TDP1: variants seen among roughly 807,000 people sequenced by gnomAD.
TDP1 encodes tyr-DNA phosphodiesterase 1.
TDP1 carries 64 observed loss-of-function variants against 81.5 expected under a neutral mutation model. The observed-to-expected ratio is 0.79, with a 90% CI of 0.64 to 0.97. The LOEUF (loss-of-function observed/expected upper bound fraction) is 0.97. TDP1 is among the 50% of genes least tolerant of loss of function. TDP1 has a pLI of 0.00. For synonymous variants in TDP1, 256 were observed against 264.3 expected (o/e 0.97, Z 0.30); for missense variants, 723 against 743.8 (o/e 0.97, Z 0.33).
At chr14:89,980,941 C>T (rs1215311388) in intron 8 of TDP1, among the ~76,000 whole-genome samples, 7 of 152,170 alleles carry the variant, frequency 4.6e-5, no homozygotes, top group African/African-American at 9.7e-5. Flanking sequence ...GCATCATATA[C>T]ACTCTACAGC....
intron 15 of TDP1, among the ~76,000 whole-genome samples, chr14:90,031,693 T>C (rs1887301632): frequency 6.6e-6 from 1 of 152,060 alleles, no homozygotes; most frequent in Non-Finnish European, 1.5e-5. Context: ...TGGCCAACTG[T>C]CCCACTCAAC....
At chr14:90,041,484 G>A (rs1033985846) in intron 16 of TDP1, among the ~76,000 whole-genome samples, 2 of 152,148 alleles carry the variant, frequency 1.3e-5, no homozygotes, top group African/African-American at 2.4e-5. Flanking sequence ...GCTGCTGTTC[G>A]TATGATGGCT....
At chr14:89,988,774 A>G in intron 10 of TDP1, 131 bp from the exon 11 acceptor site, 2 of 1,530,936 alleles carry the variant, frequency 1.3e-6, no homozygotes, top group Non-Finnish European at 8.8e-7. Context: ...TGGGTATGAA[A>G]TTGATCACTA....
At chr14:89,962,862 A>G (rs1409982796) in intron 2 of TDP1, 1 of 952,528 alleles carries the variant, frequency 1.0e-6, no homozygotes, top group East Asian at 1.2e-4. Context: ...TGACAGAGCG[A>G]GACCCTGTTT....
intron 15 of TDP1, among the ~76,000 whole-genome samples, chr14:90,026,093 A>G (rs908682492): frequency 6.6e-6 from 1 of 152,100 alleles, no homozygotes; most frequent in Non-Finnish European, 1.5e-5. Context: ...TCAAGTCTCT[A>G]CTTTCTCTTT....
At chr14:90,038,185 A>T (rs564772632) in intron 16 of TDP1, among the ~76,000 whole-genome samples, 9 of 152,248 alleles carry the variant, frequency 5.9e-5, no homozygotes, top group East Asian at 3.9e-4. Context: ...TAATTTCAAA[A>T]TTTTTTTTAA....
intron 3 of TDP1, chr14:89,965,088 A>G (rs760513157): frequency 1.6e-5 from 3 of 185,196 alleles, no homozygotes; most frequent in Non-Finnish European, 3.4e-5. Flanking sequence ...GAAGAAATAC[A>G]TGCTGGTGGG....
intron 13 of TDP1, 36 bp from the exon 14 acceptor site, chr14:89,993,340 T>G (rs770565326): frequency 2.6e-6 from 4 of 1,529,212 alleles, no homozygotes; most frequent in Non-Finnish European, 3.6e-6. Context: ...TCAATTTTAT[T>G]TCATAATTAG....
intron 14 of TDP1, among the ~76,000 whole-genome samples, chr14:90,016,411 C>T (rs77099340): frequency 6.6e-6 from 1 of 152,108 alleles, no homozygotes; most frequent in African/African-American, 2.4e-5. Context: ...CTCACACCCT[C>T]CCAAGTCCTC....
At chr14:89,998,631 GCTGC>G (rs2140162777) in intron 14 of TDP1, among the ~76,000 whole-genome samples, 1 of 151,486 alleles carries the variant, frequency 6.6e-6, no homozygotes, top group Non-Finnish European at 1.5e-5. Flanking sequence ...GGGGAGGGAG[GCTGC>G]TCCTTAAGGA....
intron 14 of TDP1, among the ~76,000 whole-genome samples, chr14:90,001,519 C>T (rs1897185617): frequency 6.6e-6 from 1 of 152,168 alleles, no homozygotes; most frequent in Non-Finnish European, 1.5e-5. Context: ...TACCAGAATA[C>T]TCATTGTGAT....
At chr14:90,011,121 GC>G (rs1884650425) in intron 14 of TDP1, among the ~76,000 whole-genome samples, 1 of 152,150 alleles carries the variant, frequency 6.6e-6, no homozygotes. Context: ...ACTCCTGCCT[GC>G]CACCATGTAA....
In TDP1 at chr14:89,972,640, T is replaced by C. The variant is rs34932024; in HGVS notation, c.756+1369T>C. On this transcript the variant is annotated intron_variant, in intron 6 of 16. Transcript: ENST00000335725. ...AGATCTTCTATTACACGTGGCGCAT[T>C]TTGAGCAAGAAACATGCAAAGTAGA... 3.5e-4 allele frequency among the ~76,000 whole-genome samples: 53 copies of C among 152,308 alleles called. No individual in the cohort carries two copies. The East Asian group carries it at 5.8e-3, about 17-fold the overall frequency.
chr14:89,957,529 G>A (rs1360876985), intron 2 of TDP1, among the ~76,000 whole-genome samples: 3 of 152,190 alleles, frequency 2.0e-5, no homozygotes, highest in Non-Finnish European at 4.4e-5. Context: ...CTCAATTGAG[G>A]AGCATGGCCT....
Position 89,991,968 on chromosome 14 carries a change from T to C in TDP1, c.1418T>C (p.Leu473Pro). Residue 473 changes from leucine to proline, a missense_variant, in exon 13 of 17, where the codon CTG becomes CCG. Leu to Pro is a moderately conservative substitution (Grantham distance 98, BLOSUM62 -3). Transcript: ENST00000335725. The part of the protein sequence containing the change: ...SIQTAEKQNW[L>P]HSYFHKWSAE... The stretch of plus-strand genomic sequence containing the variant: ...CAGACAGCTGAAAAACAGAATTGGC[T>C]GCATTCCTATTTTCAGTAAGTAATT... 6.2e-7 allele frequency: 1 copy of C among 1,612,776 alleles called. No homozygotes were observed. The highest frequency in any genetic ancestry group is 1.1e-5 in the South Asian group (1 of 90,974).
intron 6 of TDP1, chr14:89,975,378 C>A: frequency 1.0e-6 from 1 of 985,050 alleles, no homozygotes; most frequent in Non-Finnish European, 1.2e-6. Context: ...ACCTGGCCTT[C>A]AGTGTTTCTT....
At chr14:90,026,249 A>C (rs1233737041) in intron 15 of TDP1, among the ~76,000 whole-genome samples, 1 of 152,194 alleles carries the variant, frequency 6.6e-6, no homozygotes, top group Non-Finnish European at 1.5e-5. Context: ...TCCTCCTGAC[A>C]CCAATGCTGC....
intron 3 of TDP1, chr14:89,964,890 A>G (rs1015998154): frequency 4.5e-6 from 2 of 444,376 alleles, no homozygotes; most frequent in Non-Finnish European, 4.5e-6. Flanking sequence ...TATTCCTTGG[A>G]TAAATGATGC....
At chr14:89,973,610 TG>T (rs1277432403) in intron 6 of TDP1, among the ~76,000 whole-genome samples, 3 of 152,178 alleles carry the variant, frequency 2.0e-5, no homozygotes, top group African/African-American at 7.2e-5. Flanking sequence ...AGAGAATCGG[TG>T]GCTGCTGACC....
Sources: gnomAD v4.1 joint callset for allele counts (sites outside exome capture counted in the v4.1 genomes callset) on GRCh38, gnomAD v4.1.1 for gene constraint, MANE v1.5 for transcripts, NCBI Gene and HGNC (gene_info 2026-07-23, HGNC 2026-07-21) for gene names.